CSNK2A2IP: variants seen among roughly 807,000 people sequenced by gnomAD.
The protein encoded by CSNK2A2IP is casein kinase 2 subunit alpha' interacting protein.
the CSNK2A2IP span, among the ~76,000 whole-genome samples, chr3:88,352,312 A>C: frequency 6.6e-6 from 1 of 152,156 alleles, no homozygotes; most frequent in Non-Finnish European, 1.5e-5. Flanking sequence ...TCAATCCCTG[A>C]AATGCTATTC....
the CSNK2A2IP span, among the ~76,000 whole-genome samples, chr3:88,373,291 C>T: frequency 6.6e-6 from 1 of 151,186 alleles, no homozygotes; most frequent in South Asian, 2.1e-4. Flanking sequence ...TATTATCTGA[C>T]CACAGTGGAA....
chr3:88,465,303 C>T, the CSNK2A2IP span: 1 of 1,093,538 alleles, frequency 9.1e-7, no homozygotes, highest in Admixed American at 4.2e-5. Context: ...CTAACAGTTA[C>T]TAAATCATCC....
chr3:88,364,709 C>T, the CSNK2A2IP span, among the ~76,000 whole-genome samples: 1 of 151,976 alleles, frequency 6.6e-6, no homozygotes, highest in Non-Finnish European at 1.5e-5. Flanking sequence ...TGTATTAATT[C>T]CCTGAGTTAT....
chr3:88,363,325 A>G, the CSNK2A2IP span, among the ~76,000 whole-genome samples: 1 of 152,128 alleles, frequency 6.6e-6, no homozygotes, highest in African/African-American at 2.4e-5. Context: ...TGCAATGTCT[A>G]ATCTACCATT....
the CSNK2A2IP span, chr3:88,465,226 A>AT: frequency 6.4e-6 from 3 of 466,978 alleles, no homozygotes; most frequent in African/African-American, 4.0e-5. Context: ...TAACAGAAAT[A>AT]TTGCAAGATA....
At chr3:88,354,448 G>T in the CSNK2A2IP span, among the ~76,000 whole-genome samples, 1 of 152,136 alleles carries the variant, frequency 6.6e-6, no homozygotes, top group East Asian at 1.9e-4. Flanking sequence ...TTTAAGGAAT[G>T]CTGAACAGAA....
At chr3:88,420,601 C>T in the CSNK2A2IP span, among the ~76,000 whole-genome samples, 2 of 151,890 alleles carry the variant, frequency 1.3e-5, no homozygotes, top group African/African-American at 2.4e-5. Context: ...AATGTTTAAT[C>T]GGCAGTAGAT....
At chr3:88,402,357 T>A in the CSNK2A2IP span, among the ~76,000 whole-genome samples, 1 of 152,092 alleles carries the variant, frequency 6.6e-6, no homozygotes, top group Non-Finnish European at 1.5e-5. Flanking sequence ...GAGAGCAATT[T>A]GGCAATATCT....
chr3:88,403,587 G>A, the CSNK2A2IP span, among the ~76,000 whole-genome samples: 75 of 152,104 alleles, frequency 4.9e-4, no homozygotes, highest in South Asian at 6.2e-4. Flanking sequence ...CATTTAGAAA[G>A]CAATAATAAC....
chr3:88,388,164 A>G, the CSNK2A2IP span, among the ~76,000 whole-genome samples: 2 of 152,178 alleles, frequency 1.3e-5, no homozygotes, highest in Non-Finnish European at 2.9e-5. Flanking sequence ...GTTTCTAACA[A>G]TTCCATGACG....
chr3:88,437,584 G>A, the CSNK2A2IP span, among the ~76,000 whole-genome samples: 57 of 152,166 alleles, frequency 3.7e-4, no homozygotes, highest in African/African-American at 1.2e-3. Context: ...CTATATATTT[G>A]TAAAAAATTA....
the CSNK2A2IP span, among the ~76,000 whole-genome samples, chr3:88,439,818 A>T: frequency 1.3e-5 from 2 of 152,126 alleles, no homozygotes; most frequent in African/African-American, 2.4e-5. Flanking sequence ...ACTTTAAAAA[A>T]TTTTGTTTTG....
At chr3:88,386,410 G>C in the CSNK2A2IP span, among the ~76,000 whole-genome samples, 1 of 152,222 alleles carries the variant, frequency 6.6e-6, no homozygotes, top group Non-Finnish European at 1.5e-5. Context: ...ACCGGCGTGA[G>C]CCAGCGTACC....
At chr3:88,466,236 A>C in the CSNK2A2IP span, 1 of 1,231,732 alleles carries the variant, frequency 8.1e-7, no homozygotes, top group Non-Finnish European at 1.0e-6. Context: ...TTGGAGGCTT[A>C]CCAGTGTCCC....
the CSNK2A2IP span, among the ~76,000 whole-genome samples, chr3:88,345,383 A>G: frequency 1.3e-5 from 2 of 152,006 alleles, no homozygotes; most frequent in African/African-American, 4.8e-5. Flanking sequence ...TCTAAAAATT[A>G]CAGGCATACC....
At chr3:88,396,156 G>C in the CSNK2A2IP span, among the ~76,000 whole-genome samples, 72 of 144,642 alleles carry the variant, frequency 5.0e-4, no homozygotes, top group Non-Finnish European at 8.7e-4. Flanking sequence ...CCAGGCTGGA[G>C]TGCAGTGGCG....
chr3:88,460,958 A>G, the CSNK2A2IP span, among the ~76,000 whole-genome samples: 10 of 151,716 alleles, frequency 6.6e-5, no homozygotes, highest in African/African-American at 1.9e-4. Flanking sequence ...GTGGTGGTGC[A>G]TGCCTGTAAT....
the CSNK2A2IP span, among the ~76,000 whole-genome samples, chr3:88,417,246 T>C: frequency 0.02 from 3,066 of 152,300 alleles, 52 homozygotes; most frequent in African/African-American, 0.045. Context: ...TTAATGTTTA[T>C]TATTTATTCA....
chr3:88,442,855 C>T, the CSNK2A2IP span, among the ~76,000 whole-genome samples: 2 of 151,174 alleles, frequency 1.3e-5, no homozygotes, highest in Non-Finnish European at 2.9e-5. Flanking sequence ...TGTTATGTCC[C>T]TTAATATAAA....
Sources: gnomAD v4.1 joint callset for allele counts (sites outside exome capture counted in the v4.1 genomes callset) on GRCh38, gnomAD v4.1.1 for gene constraint, MANE v1.5 for transcripts, NCBI Gene and HGNC (gene_info 2026-07-23, HGNC 2026-07-21) for gene names.